The following IWS1 variants were observed in gnomAD, a reference collection of about 807,000 sequenced individuals.
The protein encoded by IWS1 is protein IWS1 homolog.
IWS1 carries 27 observed loss-of-function variants against 86.7 expected under a neutral mutation model. That is an observed-to-expected ratio of 0.31 (90% confidence interval 0.23 to 0.43). IWS1 has a LOEUF of 0.43. Ranked by LOEUF, IWS1 falls within the 20% of genes least tolerant of loss-of-function variation. The pLI, the probability that IWS1 is intolerant of heterozygous loss-of-function variation, is 1.00. For synonymous variants in IWS1, 313 were observed against 335.1 expected, an observed-to-expected ratio of 0.93 and a Z score of 0.72; for missense variants, 827 against 1,000.8, an observed-to-expected ratio of 0.83 and a Z score of 2.34.
chr2:127,506,135 G>T (rs1455514944), intron 2 of IWS1, among the ~76,000 whole-genome samples: 2 of 152,150 alleles, frequency 1.3e-5, no homozygotes, highest in African/African-American at 2.4e-5. Context: ...TTGGGAGGCC[G>T]AGGTGGTGGA....
At chr2:127,483,880 G>GA (rs1270772187) in intron 13 of IWS1, among the ~76,000 whole-genome samples, 1 of 152,032 alleles carries the variant, frequency 6.6e-6, no homozygotes, top group Non-Finnish European at 1.5e-5. Context: ...GTTATCAGTA[G>GA]AAAAAAGACA....
intron 2 of IWS1, among the ~76,000 whole-genome samples, chr2:127,515,231 T>C (rs1691706912): frequency 6.6e-6 from 1 of 152,242 alleles, no homozygotes; most frequent in South Asian, 2.1e-4. Context: ...TTCGAGGGGC[T>C]GTTTTTGGTC....
chr2:127,519,480 T>TGTGTGTGTGTGC (rs767248875), intron 2 of IWS1, among the ~76,000 whole-genome samples: 2 of 151,456 alleles, frequency 1.3e-5, no homozygotes, highest in Non-Finnish European at 1.5e-5. Flanking sequence ...AGATTGTGTG[T>TGTGTGTGTGTGC]GTGTGTGTGT....
intron 12 of IWS1, chr2:127,487,965 T>C (rs1379238575): frequency 6.6e-6 from 1 of 152,458 alleles, no homozygotes; most frequent in Non-Finnish European, 1.5e-5. Context: ...ACTTCCTTCC[T>C]AAACAAACTT....
chr2:127,502,889 T>C lies in IWS1; in HGVS notation c.1410-17A>G, dbSNP rs1039891872. Reference sequence around the variant, plus strand: ...ATAAGATTTCTAGAAAGTAGACAAATGTAAAAACATTCATTTGCTTTATCC... The same window carrying C: ...ATAAGATTTCTAGAAAGTAGACAAACGTAAAAACATTCATTTGCTTTATCC... On this transcript the variant is annotated splice_polypyrimidine_tract_variant and intron_variant, in intron 4 of 13. Transcript: ENST00000295321. 2 of 1,420,218 alleles carry C rather than the reference T, an allele frequency of 1.4e-6. No homozygotes were observed. The highest frequency in any genetic ancestry group is 1.2e-5 in the South Asian group (1 of 84,864). 88.0% of individuals were successfully genotyped at this position (1,420,218 alleles called of 1,614,324 possible). A position where few individuals can be genotyped will look rare whatever the true frequency, so the allele number is the denominator to read the frequency against.
At chr2:127,518,002 G>C (rs1358044737) in intron 2 of IWS1, among the ~76,000 whole-genome samples, 1 of 152,162 alleles carries the variant, frequency 6.6e-6, no homozygotes, top group African/African-American at 2.4e-5. Context: ...GACATGTCCA[G>C]AACAAGGACT....
At chr2:127,491,079 T>G (rs534036362) in intron 10 of IWS1, among the ~76,000 whole-genome samples, 1 of 152,330 alleles carries the variant, frequency 6.6e-6, no homozygotes, top group African/African-American at 2.4e-5. Context: ...ACATGGCGCT[T>G]GATTACATAA....
rs1214712241 is a variant in IWS1, at chr2:127,523,703, G to A, written c.123C>T (p.Asp41=). ...CTGAATGACGTTCTACACTTCCAGT[G>A]TCTGATCCGGAGTGTTGCTCATTTA... is the stretch of plus-strand genomic sequence containing the variant. ...DDVNEQHSGS[D]TGSVERHSEN... Residue 41 remains aspartate, a synonymous_variant, in exon 2 of 14, where the codon GAC becomes GAT. Transcript: ENST00000295321. 6.2e-7 allele frequency: 1 copy of A among 1,613,480 alleles called. No individual in the cohort carries two copies. The highest frequency in any genetic ancestry group is 1.7e-5 in the Admixed American group (1 of 59,908).
chr2:127,502,759 T>A, intron 5 of IWS1, 56 bp downstream of exon 5: 1 of 950,686 alleles, frequency 1.1e-6, no homozygotes, highest in South Asian at 1.4e-5. Context: ...ATCACTGCCA[T>A]AAAAACACCA....
rs750059875 is a variant in IWS1 at position 127,503,469 on chromosome 2, C to G, written c.1327G>C (p.Glu443Gln). ...TTATCAGACAATTCTTTCCCAGCTT[C>G]TTCCTCACTGTCAGATGCTATGGTC... ...EKTIASDSEE[E>Q]AGKELSDKKN... The change falls in exon 4 of 14, where the codon GAA becomes CAA. Residue 443 changes from glutamate (E) to glutamine (Q), a missense_variant. Glu to Gln is a conservative substitution (Grantham distance 29). This residue lies in a region of IWS1 where 548 missense variants were observed against 560.2 expected (regional missense o/e 0.98). Transcript: ENST00000295321. The G allele has an allele frequency of 2.5e-6, 4 of 1,613,484 alleles. No homozygotes were observed. The highest frequency in any genetic ancestry group is 1.3e-5 in the African/African-American group (1 of 74,928).
intron 7 of IWS1, 50 bp downstream of exon 7, chr2:127,495,948 T>C: frequency 1.3e-6 from 2 of 1,505,952 alleles, no homozygotes; most frequent in Non-Finnish European, 1.8e-6. Context: ...GGGCATCCAA[T>C]AAACTCAGTG....
intron 3 of IWS1, 79 bp from the exon 4 acceptor site, chr2:127,503,655 G>A: frequency 3.0e-6 from 2 of 671,708 alleles, no homozygotes; most frequent in Non-Finnish European, 4.3e-6. Flanking sequence ...GCTTTAAGAT[G>A]GCAGTATACA....
intron 2 of IWS1, among the ~76,000 whole-genome samples, chr2:127,520,856 A>G (rs1358911777): frequency 1.3e-5 from 2 of 152,272 alleles, no homozygotes; most frequent in African/African-American, 4.8e-5. Context: ...AAAATTGCTG[A>G]ATAAGTGATG....
At chr2:127,526,502 CA>C, upstream of IWS1, 1 of 1,498,614 alleles carries the variant, frequency 6.7e-7, no homozygotes, top group South Asian at 1.2e-5. Context: ...CCACGACCCT[CA>C]AAGGAATGCA....
chr2:127,518,398 C>T (rs1158757306), intron 2 of IWS1, among the ~76,000 whole-genome samples: 1 of 152,062 alleles, frequency 6.6e-6, no homozygotes, highest in African/African-American at 2.4e-5. Context: ...TGCCTGTGGT[C>T]TCAGCTACTT....
chr2:127,505,091 G>A lies in IWS1; in HGVS notation c.812C>T (p.Pro271Leu), dbSNP rs1558757586. The A allele has an allele frequency of 2.5e-6, 4 of 1,610,366 alleles. No homozygotes were observed. The highest frequency in any genetic ancestry group is 1.7e-4 in the Middle Eastern group (1 of 6,048). Residue 271 changes from proline to leucine, a missense_variant, in exon 3 of 14, where the codon CCC becomes CTC. Around this residue, in one of 2 missense-constraint regions of IWS1, gnomAD observed 548 missense variants for 560.2 expected, o/e 0.98. Coordinates refer to ENST00000295321, the MANE Select transcript of IWS1 (RefSeq NM_017969.3). This position sits in a 1 kb window ranked among gnomAD's most constrained non-coding sequence, Gnocchi z 5.0. ...SDSENEELPK[P>L]RISDSESEDP... ...CTCACTTTCCGAATCACTGATTCGG[G>A]GTTTGGGAAGCTCTTCATTTTCTGA...
chr2:127,483,609 TGTGTGTGTGTGTGTGC>T (rs1165936195), intron 13 of IWS1, among the ~76,000 whole-genome samples: 1 of 2,864 alleles, frequency 3.5e-4, no homozygotes, highest in East Asian at 0.019. Flanking sequence ...TTGGGCTGTG[TGTGTGTGTGTGTGTGC>T]GTGTGCGTGT....
chr2:127,503,706 A>AAAT (rs1207031507), intron 3 of IWS1, 130 bp from the exon 4 acceptor site: 5 of 323,064 alleles, frequency 1.5e-5, no homozygotes, highest in African/African-American at 8.9e-5. Flanking sequence ...ATAAATAAAT[A>AAAT]AAATAAAATC....
At position 127,496,631 on chromosome 2, in the gene IWS1, C is replaced by T. The variant is rs145408571; in HGVS notation, c.1566-483G>A. Among the ~76,000 whole-genome samples the T allele has an allele frequency of 8.9e-3, 1,352 of 151,958 alleles. 18 individuals carry two copies. The highest frequency in any genetic ancestry group is 0.031 in the African/African-American group (1,287 of 41,418). On this transcript the variant is annotated intron_variant, in intron 6 of 13. Coordinates refer to ENST00000295321, the MANE Select transcript of IWS1 (RefSeq NM_017969.3). The stretch of plus-strand genomic sequence containing the variant: ...TTGCTCTGTCACCCAGGCTGGAGTG[C>T]GGTGGCACAATCATAGTTCACCGTA...
Sources: allele counts gnomAD v4.1 joint callset (sites outside exome capture counted in the v4.1 genomes callset), GRCh38; gene constraint gnomAD v4.1.1; regional missense constraint gnomAD v4.1.1; non-coding constraint Gnocchi (gnomAD v3.1); transcripts MANE v1.5; gene names NCBI Gene and HGNC (gene_info 2026-07-23, HGNC 2026-07-21).